The following SPAG16 variants were observed in gnomAD, a reference collection of about 807,000 sequenced individuals.
The protein encoded by SPAG16 is sperm associated antigen 16.
A neutral mutation model predicts 80.4 loss-of-function variants in SPAG16; 86 were observed. The ratio of observed to expected loss-of-function variants is 1.07; its 90% CI spans 0.90 to 1.28. SPAG16 has a LOEUF of 1.28. Among genes scored for constraint, SPAG16 ranks in the 50% most tolerant of loss-of-function variants. The pLI, the probability that SPAG16 is intolerant of heterozygous loss-of-function variation, is 0.00. For synonymous variants in SPAG16, 294 were observed against 265.9 expected (o/e 1.11, Z -1.03); for missense variants, 870 against 765.3 (o/e 1.14, Z -1.61).
chr2:214,103,553 G>A (rs968011719), intron 13 of SPAG16, among the ~76,000 whole-genome samples: 1 of 152,184 alleles, frequency 6.6e-6, no homozygotes, highest in Admixed American at 6.5e-5. Flanking sequence ...AGCATGGGAA[G>A]GATAAGGACA....
intron 15 of SPAG16, among the ~76,000 whole-genome samples, chr2:214,225,281 T>G (rs1464012870): frequency 6.6e-6 from 1 of 152,100 alleles, no homozygotes; most frequent in Non-Finnish European, 1.5e-5. Flanking sequence ...TTTTTTTTCT[T>G]TTACTGAGTG....
intron 15 of SPAG16, among the ~76,000 whole-genome samples, chr2:214,152,022 AT>A (rs2055997790): frequency 6.6e-6 from 1 of 152,104 alleles, no homozygotes; most frequent in African/African-American, 2.4e-5. Context: ...AAAAAGAGTT[AT>A]TTTCTTATGA....
intron 13 of SPAG16, among the ~76,000 whole-genome samples, chr2:214,080,557 G>C (rs1436517052): frequency 3.4e-5 from 5 of 147,736 alleles, no homozygotes; most frequent in Non-Finnish European, 5.9e-5. Flanking sequence ...GCAGTGAGCT[G>C]AGATCACGCC....
At chr2:213,514,394 T>C (rs1354812943) in intron 10 of SPAG16, among the ~76,000 whole-genome samples, 1 of 152,102 alleles carries the variant, frequency 6.6e-6, no homozygotes. Flanking sequence ...ATTATCATAA[T>C]TAGAGTTTAC....
intron 10 of SPAG16, among the ~76,000 whole-genome samples, chr2:213,593,612 A>G (rs1440133199): frequency 6.6e-6 from 1 of 151,592 alleles, no homozygotes; most frequent in Non-Finnish European, 1.5e-5. Flanking sequence ...TGCCAGTTTG[A>G]TTGCTAATAT....
At chr2:213,730,594 T>C (rs2066986896) in intron 10 of SPAG16, among the ~76,000 whole-genome samples, 1 of 152,230 alleles carries the variant, frequency 6.6e-6, no homozygotes, top group African/African-American at 2.4e-5. Context: ...TAAGGCATTA[T>C]TTCCCCTATG....
At chr2:214,004,887 A>G (rs1185011629) in intron 12 of SPAG16, among the ~76,000 whole-genome samples, 1 of 152,172 alleles carries the variant, frequency 6.6e-6, no homozygotes, top group Non-Finnish European at 1.5e-5. Context: ...ATTTGTGATT[A>G]CAAATATATT....
chr2:213,536,213 T>A (rs1047756777), intron 10 of SPAG16, among the ~76,000 whole-genome samples: 1 of 152,166 alleles, frequency 6.6e-6, no homozygotes, highest in Admixed American at 6.6e-5. Context: ...AATTGCTATT[T>A]GGATCAAGCA....
chr2:214,044,270 T>C (rs2049190633), intron 13 of SPAG16, among the ~76,000 whole-genome samples: 1 of 152,204 alleles, frequency 6.6e-6, no homozygotes, highest in African/African-American at 2.4e-5. Flanking sequence ...TAATACATTT[T>C]CTAAGTAATA....
At position 213,702,290 on chromosome 2, in the gene SPAG16, G is replaced by C. The variant is rs559456893; in HGVS notation, c.1071-160195G>C. Reference sequence around the variant, plus strand: ...GGGCCAGATAAGGGAATAAAAGCAGGCTGCCCGAGCCAGCTGCGGCAACCC... The same window carrying C: ...GGGCCAGATAAGGGAATAAAAGCAGCCTGCCCGAGCCAGCTGCGGCAACCC... On this transcript the variant is annotated intron_variant, in intron 10 of 15. Transcript: ENST00000331683. Among the ~76,000 whole-genome samples, 7 of 152,356 alleles carry C rather than the reference G, an allele frequency of 4.6e-5. No homozygotes were observed. In the South Asian group the frequency reaches 1.0e-3, roughly 23 times the overall value.
At chr2:213,549,379 G>A (rs1312067147) in intron 10 of SPAG16, among the ~76,000 whole-genome samples, 2 of 151,850 alleles carry the variant, frequency 1.3e-5, no homozygotes, top group Non-Finnish European at 2.9e-5. Context: ...AGTTAATTTT[G>A]ACAGCTATCT....
intron 13 of SPAG16, among the ~76,000 whole-genome samples, chr2:214,057,628 C>T (rs1173893590): frequency 6.6e-6 from 1 of 152,168 alleles, no homozygotes; most frequent in Non-Finnish European, 1.5e-5. Context: ...TTGCCACTAA[C>T]AAGAGTCAGC....
chr2:214,156,086 C>T (rs1451532815), intron 15 of SPAG16, among the ~76,000 whole-genome samples: 1 of 152,140 alleles, frequency 6.6e-6, no homozygotes, highest in East Asian at 1.9e-4. Context: ...ATTAATGACA[C>T]TTAGTGATAG....
At chr2:213,713,763 C>T (rs575808184) in intron 10 of SPAG16, among the ~76,000 whole-genome samples, 2 of 152,142 alleles carry the variant, frequency 1.3e-5, no homozygotes, top group Non-Finnish European at 2.9e-5. Context: ...GAGTGATTAG[C>T]TCTCAGGGTT....
chr2:213,790,659 T>G (rs2070640287), intron 10 of SPAG16, among the ~76,000 whole-genome samples: 1 of 152,144 alleles, frequency 6.6e-6, no homozygotes, highest in East Asian at 1.9e-4. Flanking sequence ...ATACCAGTAT[T>G]GTGTATATAT....
At chr2:213,305,157 A>G (rs559365922) in intron 3 of SPAG16, among the ~76,000 whole-genome samples, 38 of 152,246 alleles carry the variant, frequency 2.5e-4, no homozygotes, top group South Asian at 1.2e-3. Flanking sequence ...TTCTTTCTTG[A>G]TATCTTTACC....
chr2:214,296,671 G>C (rs1299633454), intron 15 of SPAG16, among the ~76,000 whole-genome samples: 1 of 152,066 alleles, frequency 6.6e-6, no homozygotes, highest in Non-Finnish European at 1.5e-5. Flanking sequence ...ATGTTTATTA[G>C]CCACTTGTAT....
At chr2:213,633,206 C>T (rs938373704) in intron 10 of SPAG16, among the ~76,000 whole-genome samples, 2 of 151,938 alleles carry the variant, frequency 1.3e-5, no homozygotes, top group African/African-American at 4.8e-5. Flanking sequence ...GTAGGTTGTA[C>T]GTATTTAGGA....
chr2:213,319,134 TTTTA>T (rs1315684561), intron 5 of SPAG16, among the ~76,000 whole-genome samples: 4 of 151,996 alleles, frequency 2.6e-5, no homozygotes, highest in Non-Finnish European at 4.4e-5. Flanking sequence ...AGAGTTCGTG[TTTTA>T]TTTATTAATT....
Sources: allele counts gnomAD v4.1 joint callset (sites outside exome capture counted in the v4.1 genomes callset), GRCh38; gene constraint gnomAD v4.1.1; transcripts MANE v1.5; gene names NCBI Gene and HGNC (gene_info 2026-07-23, HGNC 2026-07-21).